The following NDE1 variants were observed in gnomAD, a reference collection of about 807,000 sequenced individuals.
The protein encoded by NDE1 is nuclear distribution protein nudE homolog 1.
In NDE1, 28 loss-of-function variants were observed where a neutral mutation model predicts 43.4. The observed-to-expected ratio is 0.65, with a 90% CI of 0.48 to 0.89. NDE1 has a LOEUF of 0.89. Ranked by LOEUF, NDE1 falls within the 40% of genes least tolerant of loss-of-function variation. The pLI is 0.00. For synonymous variants in NDE1, 184 were observed against 172.0 expected (o/e 1.07, Z -0.55); for missense variants, 441 against 434.1 (o/e 1.02, Z -0.14).
At chr16:15,699,272 T>C (rs1374138533) in intron 8 of NDE1, among the ~76,000 whole-genome samples, 1 of 151,662 alleles carries the variant, frequency 6.6e-6, no homozygotes, top group Non-Finnish European at 1.5e-5. Context: ...CCTTTTTTTT[T>C]TTTTGGAGAC....
At chr16:15,699,997 G>C (rs1255417643) in intron 8 of NDE1, 1 of 1,187,818 alleles carries the variant, frequency 8.4e-7, no homozygotes, top group African/African-American at 1.6e-5. Flanking sequence ...TCTGGGGTTT[G>C]TCCCTGGGAA....
intron 7 of NDE1, chr16:15,694,981 G>A: frequency 1.1e-6 from 1 of 881,308 alleles, no homozygotes; most frequent in Non-Finnish European, 1.4e-6. Flanking sequence ...CACCAGCCCG[G>A]GCAACATGGT....
chr16:15,681,678 A>G (rs2151083718), intron 4 of NDE1, among the ~76,000 whole-genome samples: 1 of 152,008 alleles, frequency 6.6e-6, no homozygotes, highest in East Asian at 1.9e-4. Flanking sequence ...ATTTGTTTCC[A>G]GCTTTGTCTG....
chr16:15,660,717 G>A (rs1056964979), intron 1 of NDE1, among the ~76,000 whole-genome samples: 1 of 151,906 alleles, frequency 6.6e-6, no homozygotes, highest in South Asian at 2.1e-4. Flanking sequence ...ACCGACTTTC[G>A]CTCAGCCTTG....
intron 2 of NDE1, 29 bp downstream of exon 2, chr16:15,664,890 T>A: frequency 1.7e-6 from 2 of 1,190,086 alleles, no homozygotes; most frequent in Non-Finnish European, 2.3e-6. Context: ...GCTTTTCCTT[T>A]TTTTTTTTTT....
At chr16:15,678,405 G>A (rs900446640) in intron 4 of NDE1, among the ~76,000 whole-genome samples, 4 of 152,000 alleles carry the variant, frequency 2.6e-5, no homozygotes, top group Non-Finnish European at 4.4e-5. Flanking sequence ...AGTCTCTGTC[G>A]CCAGGTTGGT....
In NDE1 at chr16:15,694,315, A is replaced by AG. The variant is rs746305473; in HGVS notation, c.795+64dup. ...CCTGCCTGTCTTTCAGGATGTGTGA[A>AG]GGGGGTTGATCTAGTTCCTTCCCTC... On this transcript the variant is annotated intron_variant, in intron 7 of 8. Transcript: ENST00000396354. 19 of 1,592,078 alleles carry AG rather than the reference A, an allele frequency of 1.2e-5. No individual in the cohort carries two copies. In the South Asian group the frequency reaches 2.0e-4, roughly 17 times the overall value.
In NDE1 at chr16:15,694,837, T is replaced by C. The variant is rs1321185455; in HGVS notation, c.795+581T>C. 9.1e-6 allele frequency: 9 copies of C among 985,250 alleles called. No homozygotes were observed. In the South Asian group the frequency reaches 2.3e-4, roughly 26 times the overall value. 61.0% of individuals were successfully genotyped at this position (985,250 alleles called of 1,614,324 possible). A position where few individuals can be genotyped will look rare whatever the true frequency, so the allele number is the denominator to read the frequency against. On this transcript the variant is annotated intron_variant, in intron 7 of 8. Transcript: ENST00000396354. ...GGAAATTTGGGAAATTAGGGTGATA[T>C]GTGTGTTTTTTCCTTAACTCGAAAA...
rs879937981 is a variant in NDE1 at position 15,725,969 on chromosome 16, C to CA, written c.*1720dup. On this transcript the variant is annotated 3_prime_UTR_variant, in exon 9 of 9. Coordinates refer to ENST00000396354, the MANE Select transcript of NDE1 (RefSeq NM_017668.3). ...ACTCTGTACTATCTCCCCCTACCCC[C>CA]AACCCCAGCTGGGCACTCCAGCTCT... 19 of 343,330 alleles carry CA rather than the reference C, an allele frequency of 5.5e-5. No homozygotes were observed. The highest frequency in any genetic ancestry group is 3.1e-4 in the South Asian group (2 of 6,544). 21.3% of individuals were successfully genotyped at this position (343,330 alleles called of 1,614,324 possible). A position where few individuals can be genotyped will look rare whatever the true frequency, so the allele number is the denominator to read the frequency against.
rs556964537 is a variant in NDE1 at position 15,721,124 on chromosome 16, C to T, written c.948-3067C>T. 389 of 1,529,712 alleles carry T rather than the reference C, an allele frequency of 2.5e-4. 1 individual carries two copies. The South Asian group carries it at 2.8e-3, about 11-fold the overall frequency. The allele number at this position is 1,529,712 out of a possible 1,614,324, so 94.8% of individuals were successfully genotyped here. A position where few individuals can be genotyped will look rare whatever the true frequency, so the allele number is the denominator to read the frequency against. On this transcript the variant is annotated intron_variant, in intron 8 of 8. Transcript: ENST00000396354. ...AGACGATTGAGAAACCCACCGTGAG[C>T]GGCACCTCAGGAGATCAGGGAGGTG...
In NDE1 at chr16:15,697,101, T is replaced by C. The variant is rs1462809743; in HGVS notation, c.947+241T>C. The C allele has an allele frequency of 3.1e-6, 3 of 974,142 alleles. No homozygotes were observed. In the African/African-American group the frequency reaches 5.3e-5, roughly 17 times the overall value. 60.3% of individuals were successfully genotyped at this position (974,142 alleles called of 1,614,324 possible). On this transcript the variant is annotated intron_variant, in intron 8 of 8. Transcript: ENST00000396354. ...TCTCACTCTGTCACCTAGGCTAGAA[T>C]ACGATGGCAGGATCATGGCTCACCC... is the stretch of plus-strand genomic sequence containing the variant.
At position 15,696,874 on chromosome 16, in the gene NDE1, A is replaced by G. The variant is rs777016398; in HGVS notation, c.947+14A>G. The G allele has an allele frequency of 2.5e-6, 4 of 1,613,794 alleles. No individual in the cohort carries two copies. Among genetic ancestry groups the G allele is most frequent in the Non-Finnish European group, 2.5e-6 (3 of 1,179,934 alleles). On this transcript the variant is annotated intron_variant, in intron 8 of 8. Coordinates refer to ENST00000396354, the MANE Select transcript of NDE1 (RefSeq NM_017668.3). The stretch of plus-strand genomic sequence containing the variant: ...GGGTGATAAGGGGTCAGTACCTTCT[A>G]ATAAACCTCTCGCTGGCGGGGAGAA...
chr16:15,712,869 C>T (rs2039883479), intron 8 of NDE1: 1 of 96,804 alleles, frequency 1.0e-5, no homozygotes, highest in East Asian at 3.8e-4. Flanking sequence ...GAACCAGCAA[C>T]TCTTCACATA....
At chr16:15,718,177 T>A in intron 8 of NDE1, 1 of 1,382,994 alleles carries the variant, frequency 7.2e-7, no homozygotes, top group Non-Finnish European at 1.0e-6. Flanking sequence ...GGATCTCTAC[T>A]CTCAGGCCCC....
intron 3 of NDE1, among the ~76,000 whole-genome samples, chr16:15,676,646 T>C (rs2037896446): frequency 6.6e-6 from 1 of 152,002 alleles, no homozygotes; most frequent in Non-Finnish European, 1.5e-5. Context: ...CCCATTGTTG[T>C]GGGCACAAAC....
At chr16:15,719,477 A>G in intron 8 of NDE1, 1 of 1,559,678 alleles carries the variant, frequency 6.4e-7, no homozygotes, top group African/African-American at 1.4e-5. Context: ...AGACAGGTGG[A>G]CCCCAGAGGA....
At chr16:15,688,370 C>G (rs1250677028) in intron 5 of NDE1, among the ~76,000 whole-genome samples, 1 of 151,884 alleles carries the variant, frequency 6.6e-6, no homozygotes, top group Non-Finnish European at 1.5e-5. Flanking sequence ...CACAGTGGTT[C>G]ACACCTGTAA....
At chr16:15,667,227 T>C (rs2151442848) in intron 2 of NDE1, 59 bp from the exon 3 acceptor site, 2 of 1,589,074 alleles carry the variant, frequency 1.3e-6, no homozygotes, top group Non-Finnish European at 8.6e-7. Flanking sequence ...GCCTGGGTGA[T>C]AGAGCGAGAC....
intron 1 of NDE1, among the ~76,000 whole-genome samples, chr16:15,644,440 G>C (rs1344094125): frequency 6.6e-6 from 1 of 152,174 alleles, no homozygotes; most frequent in African/African-American, 2.4e-5. Context: ...CAGATGACAA[G>C]CACACATCCT....
Sources: allele counts gnomAD v4.1 joint callset (sites outside exome capture counted in the v4.1 genomes callset), GRCh38; gene constraint gnomAD v4.1.1; transcripts MANE v1.5; gene names NCBI Gene and HGNC (gene_info 2026-07-23, HGNC 2026-07-21).